GNGT2: variants seen among roughly 807,000 people sequenced by gnomAD.
GNGT2 encodes the protein guanine nucleotide-binding protein G(I)/G(S)/G(O) subunit gamma-T2.
GNGT2 carries 4 observed loss-of-function variants against 3.5 expected under a neutral mutation model. The observed-to-expected ratio is 1.13, with a 90% CI of 0.56 to 2.59. The LOEUF (loss-of-function observed/expected upper bound fraction) is 2.59, where lower values mean the gene tolerates loss of function less well. Ranked by LOEUF, GNGT2 falls within the 30% of genes most tolerant of loss-of-function variation. The pLI is 0.02. For synonymous variants in GNGT2, 31 were observed against 29.5 expected, an observed-to-expected ratio of 1.05 and a Z score of -0.17; for missense variants, 64 against 81.2, an observed-to-expected ratio of 0.79 and a Z score of 0.82.
rs1482221653 is a variant in GNGT2, at chr17:49,210,394, G to A, written c.-133+50C>T. ...CCCCAGTCTCCGACCCCATCCCCCA[G>A]CCGACCAGTTTCCTCTCCAGGACCA... On this transcript the variant is annotated intron_variant, in intron 1 of 3. Coordinates refer to ENST00000507680, the MANE Select transcript of GNGT2 (RefSeq NM_001198754.2). This position sits in a 1 kb window ranked among gnomAD's most constrained non-coding sequence, Gnocchi z 4.2. 1 of 202,476 alleles carries A rather than the reference G, an allele frequency of 4.9e-6. No individual in the cohort carries two copies. The highest frequency in any genetic ancestry group is 1.1e-4 in the East Asian group (1 of 9,200). The allele number at this position is 202,476 out of a possible 1,614,324, so 12.5% of individuals were successfully genotyped here. A position where few individuals can be genotyped will look rare whatever the true frequency, so the allele number is the denominator to read the frequency against.
At chr17:49,207,028 G>A (rs896328072) in intron 3 of GNGT2, 146 bp from the exon 4 acceptor site, 2 of 858,076 alleles carry the variant, frequency 2.3e-6, no homozygotes, top group African/African-American at 1.7e-5. Context: ...GTGTTCGGGG[G>A]TGTGAGTTCC....
At position 49,207,338 on chromosome 17, in the gene GNGT2, C is replaced by G; in HGVS notation, c.84+1G>C. The G allele has an allele frequency of 6.2e-7, 1 of 1,607,202 alleles. No homozygotes were observed. Among genetic ancestry groups the G allele is most frequent in the Non-Finnish European group, 8.5e-7 (1 of 1,173,700 alleles). ...AGCAGGGACGGGGCGAGGAGGCTCA[C>G]CGGAATTCTTGTGTTTTTCACTTCT... On this transcript the variant is annotated splice_donor_variant, in intron 3 of 3. Coordinates refer to ENST00000507680, the MANE Select transcript of GNGT2 (RefSeq NM_001198754.2). LOFTEE classifies it high-confidence loss of function.
At chr17:49,208,626 T>C (rs1200945557) in intron 2 of GNGT2, among the ~76,000 whole-genome samples, 4 of 152,134 alleles carry the variant, frequency 2.6e-5, no homozygotes, top group African/African-American at 7.2e-5. Context: ...TAAAAAAACC[T>C]ACCACATGCA....
chr17:49,207,553 C>T, intron 2 of GNGT2, 109 bp from the exon 3 acceptor site: 1 of 697,986 alleles, frequency 1.4e-6, no homozygotes, highest in Non-Finnish European at 2.6e-6. Flanking sequence ...TCAGGCCCCT[C>T]ATCATTCAAC....
intron 2 of GNGT2, among the ~76,000 whole-genome samples, chr17:49,208,357 G>A (rs1362080303): frequency 2.6e-5 from 4 of 151,602 alleles, no homozygotes; most frequent in East Asian, 1.9e-4. Context: ...GCTACTCAGC[G>A]GGCTGAGGCA....
At chr17:49,209,879 C>T (rs755523985) in intron 1 of GNGT2, among the ~76,000 whole-genome samples, 3 of 152,134 alleles carry the variant, frequency 2.0e-5, no homozygotes, top group Non-Finnish European at 4.4e-5. Flanking sequence ...ACAGCCCATA[C>T]CTCCTAGGCA....
intron 2 of GNGT2, 130 bp from the exon 3 acceptor site, chr17:49,207,574 T>G: frequency 1.5e-6 from 1 of 650,770 alleles, no homozygotes; most frequent in South Asian, 1.7e-5. Flanking sequence ...AGATATTCAC[T>G]CCATCCTTGC....
Position 49,206,729 on chromosome 17 carries a change from C to G in GNGT2, c.*28G>C. 6.3e-7 allele frequency: 1 copy of G among 1,598,546 alleles called. No homozygotes were observed. Among genetic ancestry groups the G allele is most frequent in the Non-Finnish European group, 8.5e-7 (1 of 1,173,244 alleles). Reference sequence around the variant, plus strand: ...AGACTTGGGCTTGGCTGAAGAGGGACAGACACTCAGGGCAGGGCTCCATGC... The same window carrying G: ...AGACTTGGGCTTGGCTGAAGAGGGAGAGACACTCAGGGCAGGGCTCCATGC... On this transcript the variant is annotated 3_prime_UTR_variant, in exon 4 of 4. Coordinates refer to ENST00000507680, the MANE Select transcript of GNGT2 (RefSeq NM_001198754.2).
Position 49,206,393 on chromosome 17 carries a change from T to G in GNGT2, c.*364A>C. On this transcript the variant is annotated 3_prime_UTR_variant, in exon 4 of 4. Transcript: ENST00000507680. Reference sequence around the variant, plus strand: ...GCGTGGAAATGCTTTATTCCTAGGATGAGAGTAGAGGGAAAAGACGGAGGG... The same window carrying G: ...GCGTGGAAATGCTTTATTCCTAGGAGGAGAGTAGAGGGAAAAGACGGAGGG... The G allele has an allele frequency of 1.9e-5, 4 of 208,570 alleles. No individual in the cohort carries two copies. The highest frequency in any genetic ancestry group is 9.5e-6 in the Non-Finnish European group (1 of 105,744). 12.9% of individuals were successfully genotyped at this position (208,570 alleles called of 1,614,324 possible). A position where few individuals can be genotyped will look rare whatever the true frequency, so the allele number is the denominator to read the frequency against.
Sources: allele counts gnomAD v4.1 joint callset (sites outside exome capture counted in the v4.1 genomes callset), GRCh38; gene constraint gnomAD v4.1.1; non-coding constraint Gnocchi (gnomAD v3.1); transcripts MANE v1.5; gene names NCBI Gene and HGNC (gene_info 2026-07-23, HGNC 2026-07-21).